Variants in SS18 observed in about 807,000 individuals in gnomAD.
SS18 encodes SS18 subunit of BAF chromatin remodeling complex.
In SS18, 28 loss-of-function variants were observed where a neutral mutation model predicts 72.5. That is an observed-to-expected ratio of 0.39 (90% confidence interval 0.29 to 0.53). The LOEUF (loss-of-function observed/expected upper bound fraction) is 0.53, where lower values mean the gene tolerates loss of function less well. Among genes scored for constraint, SS18 ranks in the 20% least tolerant of loss-of-function variants. The pLI is 0.76. For synonymous variants in SS18, 172 were observed against 164.2 expected (o/e 1.05, Z -0.37); for missense variants, 518 against 535.3 (o/e 0.97, Z 0.32).
At chr18:26,076,020 A>G (rs2054404849) in intron 3 of SS18, among the ~76,000 whole-genome samples, 1 of 151,948 alleles carries the variant, frequency 6.6e-6, no homozygotes, top group Non-Finnish European at 1.5e-5. Context: ...GAGATGTGCA[A>G]ACCATCTACA....
intron 10 of SS18, chr18:26,023,589 T>C (rs1178841738): frequency 1.9e-6 from 1 of 527,794 alleles, no homozygotes. Flanking sequence ...GGAGCATCTT[T>C]AAAGTATGGA....
At chr18:26,053,572 C>T (rs1029583959) in intron 4 of SS18, among the ~76,000 whole-genome samples, 8 of 150,678 alleles carry the variant, frequency 5.3e-5, no homozygotes, top group Non-Finnish European at 1.0e-4. Flanking sequence ...TAAGATAGAT[C>T]GCAGACCCAG....
intron 10 of SS18, among the ~76,000 whole-genome samples, chr18:26,021,437 T>C (rs1254708446): frequency 3.3e-5 from 5 of 152,214 alleles, no homozygotes; most frequent in African/African-American, 1.2e-4. Context: ...CACTCAGCAG[T>C]AGTCATGCAG....
At chr18:26,057,781 T>C in intron 3 of SS18, 39 bp from the exon 4 acceptor site, 6 of 1,552,370 alleles carry the variant, frequency 3.9e-6, no homozygotes, top group Non-Finnish European at 5.2e-6. Flanking sequence ...AGAAACAGAC[T>C]AATATACGAA....
At chr18:26,079,287 T>C (rs144769757) in intron 2 of SS18, 3 of 152,342 alleles carry the variant, frequency 2.0e-5, no homozygotes, top group African/African-American at 2.4e-5. Context: ...TTAGCTAAGC[T>C]TCTCTTCACA....
intron 3 of SS18, among the ~76,000 whole-genome samples, chr18:26,071,923 G>A (rs2054316749): frequency 6.6e-6 from 1 of 151,988 alleles, no homozygotes; most frequent in Non-Finnish European, 1.5e-5. Context: ...CACCAGCAAA[G>A]CAGTGCTAAA....
chr18:26,064,815 T>TA (rs1486411422), intron 3 of SS18: 3 of 152,030 alleles, frequency 2.0e-5, no homozygotes, highest in Non-Finnish European at 2.9e-5. Context: ...AAAGAAGACT[T>TA]ACAATTGTCA....
rs1036103029 is a variant in SS18 at position 26,045,377 on chromosome 18, C to T, written c.608-5921G>A. ...TATGACTTCCCACTTTCACTCACTC[C>T]GCTCCAGTTCGACGGGTCTCCTTGC... On this transcript the variant is annotated intron_variant, in intron 5 of 10. Transcript: ENST00000415083. Among the ~76,000 whole-genome samples the T allele has an allele frequency of 1.2e-4, 18 of 152,114 alleles. 1 individual carries two copies. The highest frequency in any genetic ancestry group is 3.9e-4 in the African/African-American group (16 of 41,406).
In SS18 at chr18:26,082,719, T is replaced by C. The variant is rs374341837; in HGVS notation, c.147-4559A>G. Among the ~76,000 whole-genome samples the C allele has an allele frequency of 3.9e-5, 6 of 152,218 alleles. No individual in the cohort carries two copies. The East Asian group carries it at 5.8e-4, about 15-fold the overall frequency. ...CTCATGAGTGTAATATTTGAATTTG[T>C]GTGTGTCTGCAGAGAGCGTTGATAA... On this transcript the variant is annotated intron_variant, in intron 2 of 10. Coordinates refer to ENST00000415083, the MANE Select transcript of SS18 (RefSeq NM_001007559.3).
intron 2 of SS18, among the ~76,000 whole-genome samples, chr18:26,079,969 A>C (rs887397095): frequency 3.9e-5 from 6 of 152,120 alleles, no homozygotes; most frequent in African/African-American, 1.4e-4. Context: ...GAAAGGAAAA[A>C]ACACTATTTC....
intron 3 of SS18, among the ~76,000 whole-genome samples, chr18:26,066,884 G>A (rs899884993): frequency 2.0e-5 from 3 of 151,988 alleles, no homozygotes; most frequent in Non-Finnish European, 4.4e-5. Flanking sequence ...AATCCTTAAC[G>A]GCAGAAGTAA....
At chr18:26,021,488 T>C (rs1310900954) in intron 10 of SS18, among the ~76,000 whole-genome samples, 1 of 152,148 alleles carries the variant, frequency 6.6e-6, no homozygotes, top group Admixed American at 6.5e-5. Context: ...GTAAATCACT[T>C]GAACACTCTA....
chr18:26,052,529 A>G (rs2053939458), intron 5 of SS18, 95 bp downstream of exon 5: 1 of 1,012,284 alleles, frequency 9.9e-7, no homozygotes, highest in Non-Finnish European at 1.5e-6. Context: ...TTAAACTTTT[A>G]TTTTTATGAA....
chr18:26,084,229 T>C (rs1450673681), intron 2 of SS18: 3 of 152,116 alleles, frequency 2.0e-5, no homozygotes, highest in Non-Finnish European at 4.4e-5. Flanking sequence ...ACCTAGAGAA[T>C]ACAGTAATAA....
intron 3 of SS18, among the ~76,000 whole-genome samples, chr18:26,059,445 A>G (rs2054081289): frequency 6.6e-6 from 1 of 152,244 alleles, no homozygotes; most frequent in Non-Finnish European, 1.5e-5. Flanking sequence ...AAGGACCACA[A>G]GAGGGGAAAC....
chr18:26,090,184 T>A (rs546641971), intron 1 of SS18: 1 of 412,624 alleles, frequency 2.4e-6, no homozygotes, highest in African/African-American at 2.1e-5. Context: ...CGCCCTTCCC[T>A]GAGCGGCCGC....
rs117262943 is a variant in SS18, at chr18:26,037,617, T to C, written c.880+938A>G. ...TTCAAATATCCTAAATTGTATCTTC[T>C]TGCTAGCTTACATGGGCTGCTAGTC... On this transcript the variant is annotated intron_variant, in intron 7 of 10. Coordinates refer to ENST00000415083, the MANE Select transcript of SS18 (RefSeq NM_001007559.3). 7.9e-5 allele frequency among the ~76,000 whole-genome samples: 12 copies of C among 152,266 alleles called. No homozygotes were observed. In the East Asian group the frequency reaches 2.3e-3, roughly 29 times the overall value.
chr18:26,044,686 T>A (rs772900113), intron 5 of SS18, among the ~76,000 whole-genome samples: 8 of 152,028 alleles, frequency 5.3e-5, no homozygotes, highest in Non-Finnish European at 1.0e-4. Context: ...ATTACTAAAA[T>A]CAGAAAAAAA....
intron 9 of SS18, among the ~76,000 whole-genome samples, chr18:26,033,207 T>G (rs905405000): frequency 6.6e-6 from 1 of 152,168 alleles, no homozygotes; most frequent in Non-Finnish European, 1.5e-5. Flanking sequence ...AAACAATATG[T>G]CTGTTTTATA....
Sources: gnomAD v4.1 joint callset for allele counts (sites outside exome capture counted in the v4.1 genomes callset) on GRCh38, gnomAD v4.1.1 for gene constraint, MANE v1.5 for transcripts, NCBI Gene and HGNC (gene_info 2026-07-23, HGNC 2026-07-21) for gene names.